The following PRKAG2 variants were observed in gnomAD, a reference collection of about 807,000 sequenced individuals.
PRKAG2 encodes the protein 5'-AMP-activated protein kinase subunit gamma-2.
PRKAG2 carries 26 observed loss-of-function variants against 69.6 expected under a neutral mutation model. The observed-to-expected ratio is 0.37, with a 90% CI of 0.27 to 0.52. The LOEUF (loss-of-function observed/expected upper bound fraction) is 0.52. Among genes scored for constraint, PRKAG2 ranks in the 20% least tolerant of loss-of-function variants. The probability of loss-of-function intolerance (pLI) is 0.90; values close to 1 mark genes in which losing one functional copy is unlikely to be tolerated. For synonymous variants in PRKAG2, 293 were observed against 285.0 expected (o/e 1.03, Z -0.28); for missense variants, 557 against 740.0 (o/e 0.75, Z 2.87).
At chr7:151,745,271 G>A (rs943688269) in intron 3 of PRKAG2, among the ~76,000 whole-genome samples, 4 of 152,176 alleles carry the variant, frequency 2.6e-5, no homozygotes, top group African/African-American at 7.2e-5. Flanking sequence ...CCTCCGCGCC[G>A]GGGAGCAGCA....
chr7:151,714,628 A>G (rs1056070943), intron 3 of PRKAG2, among the ~76,000 whole-genome samples: 1 of 152,196 alleles, frequency 6.6e-6, no homozygotes, highest in African/African-American at 2.4e-5. Context: ...GAAAAGTGAA[A>G]TAAATTGTTA....
chr7:151,779,610 A>C (rs375715122), intron 3 of PRKAG2, among the ~76,000 whole-genome samples: 88 of 152,212 alleles, frequency 5.8e-4, no homozygotes, highest in Non-Finnish European at 1.2e-3. Context: ...GCCCTGTCCT[A>C]ACTGAGCACA....
intron 3 of PRKAG2, among the ~76,000 whole-genome samples, chr7:151,694,381 C>T (rs111547946): frequency 5.3e-5 from 8 of 152,158 alleles, no homozygotes; most frequent in Non-Finnish European, 1.0e-4. Context: ...CTGTGCAGCC[C>T]CCACCACCAC....
chr7:151,570,126 A>G (rs778980991), intron 10 of PRKAG2, 45 bp downstream of exon 10: 17 of 1,573,844 alleles, frequency 1.1e-5, no homozygotes, highest in Non-Finnish European at 1.4e-5. Flanking sequence ...GATAAAACAC[A>G]TACATCTGAA....
intron 1 of PRKAG2, among the ~76,000 whole-genome samples, chr7:151,786,857 C>G (rs535162442): frequency 6.6e-6 from 1 of 152,244 alleles, no homozygotes; most frequent in South Asian, 2.1e-4. Context: ...GAGGAGAGCC[C>G]GTCTCAGGCT....
rs1486746940 is a variant in PRKAG2, at chr7:151,829,013, T to C, written c.115-42472A>G. 2.0e-5 allele frequency among the ~76,000 whole-genome samples: 3 copies of C among 152,252 alleles called. No homozygotes were observed. In the East Asian group the frequency reaches 5.8e-4, roughly 29 times the overall value. On this transcript the variant is annotated intron_variant, in intron 1 of 15. Coordinates refer to ENST00000287878, the MANE Select transcript of PRKAG2 (RefSeq NM_016203.4). Reference sequence around the variant, plus strand: ...CTTCTTAAATGGGATACCGAAAGCATAGGTAACAAAAGAAAAAACAAAAGC... The same window carrying C: ...CTTCTTAAATGGGATACCGAAAGCACAGGTAACAAAAGAAAAAACAAAAGC...
rs370257703 is a variant in PRKAG2, at chr7:151,565,804, T to C, written c.1315A>G (p.Ile439Val). Residue 439 changes from isoleucine to valine, a missense_variant, in exon 12 of 16, where the codon ATA becomes GTA. Physicochemically the swap from Ile to Val is conservative, Grantham distance 29 (BLOSUM62 3). This residue lies in a region of PRKAG2 where 205 missense variants were observed against 383.4 expected (regional missense o/e 0.53). Coordinates refer to ENST00000287878, the MANE Select transcript of PRKAG2 (RefSeq NM_016203.4). ...TTGATGATGGGAGTGTCTGGATGTA[T>C]GAAGGCAATGTTGTGGTACGTTCCT... ...GIGTYHNIAF[I>V]HPDTPIIKAL... 1.1e-5 allele frequency: 18 copies of C among 1,612,138 alleles called. No individual in the cohort carries two copies. Among genetic ancestry groups the C allele is most frequent in the Non-Finnish European group, 1.4e-5 (17 of 1,178,240 alleles).
intron 5 of PRKAG2, among the ~76,000 whole-genome samples, chr7:151,615,505 C>T (rs1006919894): frequency 6.6e-6 from 1 of 152,124 alleles, no homozygotes; most frequent in African/African-American, 2.4e-5. Flanking sequence ...TACAAATGGG[C>T]ACAGATTTCG....
chr7:151,861,485 G>A (rs2079921041), intron 1 of PRKAG2, among the ~76,000 whole-genome samples: 1 of 133,962 alleles, frequency 7.5e-6, no homozygotes. Flanking sequence ...CCAAGATGGT[G>A]TCACTGCATT....
chr7:151,772,773 T>C lies in PRKAG2; in HGVS notation c.466+8379A>G, dbSNP rs1032621088. On this transcript the variant is annotated intron_variant, in intron 3 of 15. Transcript: ENST00000287878. ...GGCTGAGGTGGGAGGATCGCTTGAG[T>C]ACAGGAGCTTGAGACTAGCCTGGGC... Among the ~76,000 whole-genome samples, 4 of 151,728 alleles carry C rather than the reference T, an allele frequency of 2.6e-5. No individual in the cohort carries two copies. The South Asian group carries it at 8.3e-4, about 32-fold the overall frequency.
intron 1 of PRKAG2, among the ~76,000 whole-genome samples, chr7:151,848,701 T>A (rs1310373078): frequency 6.6e-6 from 1 of 151,850 alleles, no homozygotes; most frequent in African/African-American, 2.4e-5. Flanking sequence ...ATTTTCATAT[T>A]CTTAGCAGAG....
intron 6 of PRKAG2, among the ~76,000 whole-genome samples, chr7:151,588,547 G>GA (rs11373293): frequency 0.53 from 80,416 of 151,416 alleles, 22,106 homozygotes; most frequent in East Asian, 0.81. Flanking sequence ...AATTTTAGGA[G>GA]GACGGTTTCG....
At chr7:151,631,291 A>G (rs1824335608) in intron 5 of PRKAG2, among the ~76,000 whole-genome samples, 1 of 152,204 alleles carries the variant, frequency 6.6e-6, no homozygotes. Flanking sequence ...AGCTCATCAC[A>G]TTTCATTTTA....
In PRKAG2 at chr7:151,647,626, G is replaced by A. The variant is rs374192187; in HGVS notation, c.685-15488C>T. ...GCTGTGGCAGAGGAAGAGCCTGAAG[G>A]TCAGGATGTGCTGATGGTCTTTATC... is the stretch of plus-strand genomic sequence containing the variant. On this transcript the variant is annotated intron_variant, in intron 4 of 15. Coordinates refer to ENST00000287878, the MANE Select transcript of PRKAG2 (RefSeq NM_016203.4). 3.2e-4 allele frequency among the ~76,000 whole-genome samples: 49 copies of A among 152,342 alleles called. 1 individual carries two copies. In the East Asian group the frequency reaches 6.0e-3, roughly 19 times the overall value.
chr7:151,801,115 C>T (rs1426451811), intron 1 of PRKAG2, among the ~76,000 whole-genome samples: 1 of 152,198 alleles, frequency 6.6e-6, no homozygotes, highest in Non-Finnish European at 1.5e-5. Context: ...GGACCACCCA[C>T]CCAGCTCCTC....
At chr7:151,710,981 T>A (rs1795205272) in intron 3 of PRKAG2, among the ~76,000 whole-genome samples, 2 of 151,790 alleles carry the variant, frequency 1.3e-5, no homozygotes, top group Admixed American at 1.3e-4. Context: ...AGCCCTAGAG[T>A]ATTGCGAGTG....
intron 3 of PRKAG2, among the ~76,000 whole-genome samples, chr7:151,721,346 C>T (rs1797062906): frequency 6.6e-6 from 1 of 152,102 alleles, no homozygotes; most frequent in South Asian, 2.1e-4. Flanking sequence ...ACAACTGGAG[C>T]TCTAATGCCA....
At chr7:151,743,842 T>A (rs929713291) in intron 3 of PRKAG2, among the ~76,000 whole-genome samples, 1 of 152,158 alleles carries the variant, frequency 6.6e-6, no homozygotes, top group African/African-American at 2.4e-5. Context: ...TCCTCTGCCC[T>A]CGGCAGGGCT....
At chr7:151,750,177 A>G (rs1016677522) in intron 3 of PRKAG2, among the ~76,000 whole-genome samples, 1 of 152,166 alleles carries the variant, frequency 6.6e-6, no homozygotes, top group African/African-American at 2.4e-5. Flanking sequence ...GCTGATGGGA[A>G]TGTAAAACAC....
Sources: gnomAD v4.1 joint callset for allele counts (sites outside exome capture counted in the v4.1 genomes callset) on GRCh38, gnomAD v4.1.1 for gene constraint, gnomAD v4.1.1 regional missense constraint, MANE v1.5 for transcripts, NCBI Gene and HGNC (gene_info 2026-07-23, HGNC 2026-07-21) for gene names.